Variants in PRRG1 observed in about 807,000 individuals in gnomAD.
PRRG1 encodes the protein transmembrane gamma-carboxyglutamic acid protein 1.
In PRRG1, 5 loss-of-function variants were observed where a neutral mutation model predicts 11.8. The observed-to-expected ratio is 0.42, with a 90% CI of 0.22 to 0.89. PRRG1 has a LOEUF of 0.89. Among genes scored for constraint, PRRG1 ranks in the 40% least tolerant of loss-of-function variants. The probability of loss-of-function intolerance (pLI) is 0.28; values close to 1 mark genes in which losing one functional copy is unlikely to be tolerated. For missense variants in PRRG1, 155 were observed against 166.1 expected, an observed-to-expected ratio of 0.93 and a Z score of 0.37; for synonymous variants, 66 against 60.4, an observed-to-expected ratio of 1.09 and a Z score of -0.43.
intron 1 of PRRG1, among the ~76,000 whole-genome samples, chrX:37,404,466 G>T (rs1282258737): frequency 9.0e-6 from 1 of 111,700 alleles, no homozygotes; most frequent in Non-Finnish European, 1.9e-5. Flanking sequence ...CACTTGGGAA[G>T]GGTGAGCACC....
intron 1 of PRRG1, among the ~76,000 whole-genome samples, chrX:37,374,979 C>G (rs1160495098): frequency 9.0e-6 from 1 of 111,604 alleles, no homozygotes; most frequent in Non-Finnish European, 1.9e-5. Context: ...AGGGATTAAG[C>G]TGTGTTTAGT....
chrX:37,383,754 C>T (rs1366707687), intron 1 of PRRG1, among the ~76,000 whole-genome samples: 1 of 111,087 alleles, frequency 9.0e-6, no homozygotes, highest in Non-Finnish European at 1.9e-5. Flanking sequence ...AATACCTGAA[C>T]TTCTTATATG....
chrX:37,354,909 T>TTTTG (rs1314563788), intron 1 of PRRG1, among the ~76,000 whole-genome samples: 23 of 109,828 alleles, frequency 2.1e-4, no homozygotes, highest in African/African-American at 7.4e-4. Flanking sequence ...GTAATGGCTT[T>TTTTG]TTTGTTTGTT....
intron 1 of PRRG1, among the ~76,000 whole-genome samples, chrX:37,395,107 C>T (rs1931670742): frequency 9.0e-6 from 1 of 111,727 alleles, no homozygotes; most frequent in Non-Finnish European, 1.9e-5. Flanking sequence ...ATTAGAGCTA[C>T]TATTAATAAC....
At chrX:37,381,541 T>G (rs782609250) in intron 1 of PRRG1, among the ~76,000 whole-genome samples, 4 of 111,405 alleles carry the variant, frequency 3.6e-5, no homozygotes, top group Non-Finnish European at 7.6e-5. Context: ...TTTTTTGGCA[T>G]TGGCTACTAG....
chrX:37,444,722 A>G (rs1933044537), intron 3 of PRRG1, among the ~76,000 whole-genome samples: 2 of 111,512 alleles, frequency 1.8e-5, no homozygotes, highest in South Asian at 7.6e-4. Context: ...GTCACCCTGC[A>G]TACAGAGATG....
rs1556397240 is a variant in PRRG1 at position 37,453,383 on chromosome X, A to G, written c.419A>G (p.Asp140Gly). 1 of 1,181,133 alleles carries G rather than the reference A, an allele frequency of 8.5e-7. No homozygotes were observed. The change falls in exon 4 of 4, where the codon GAC (aspartate) becomes GGC (glycine). Residue 140 changes from aspartate (D) to glycine (G), a missense_variant. Transcript: ENST00000378628. ...TPPPPPDEVF[D>G]SSGLSPGFLG... ...CCCCCCCCACCAGATGAAGTGTTTG[A>G]CAGCAGTGGATTGTCTCCAGGCTTT... is the stretch of plus-strand genomic sequence containing the variant.
chrX:37,370,179 A>C (rs1363499055), intron 1 of PRRG1, among the ~76,000 whole-genome samples: 2 of 111,667 alleles, frequency 1.8e-5, no homozygotes, highest in African/African-American at 3.3e-5. Flanking sequence ...CTTTCATTTT[A>C]AAGGCTGAAA....
intron 2 of PRRG1, among the ~76,000 whole-genome samples, chrX:37,420,265 G>A (rs781940385): frequency 9.0e-6 from 1 of 111,082 alleles, no homozygotes; most frequent in East Asian, 2.8e-4. Context: ...ACAAGCTTGG[G>A]ATATCCATAA....
intron 3 of PRRG1, among the ~76,000 whole-genome samples, chrX:37,437,716 A>T (rs148033717): frequency 6.3e-5 from 7 of 111,767 alleles, no homozygotes; most frequent in African/African-American, 2.3e-4. Context: ...CTATTTTTCC[A>T]TCTGAAAGAT....
intron 1 of PRRG1, among the ~76,000 whole-genome samples, chrX:37,379,031 CTTTTTTTTTTTTTTT>C (rs56857980): frequency 3.5e-5 from 1 of 28,774 alleles, no homozygotes; most frequent in Non-Finnish European, 6.1e-5. Flanking sequence ...CATCTTTTTG[CTTTTTTTTTTTTTTT>C]TTTTTTTTTT....
intron 1 of PRRG1, among the ~76,000 whole-genome samples, chrX:37,384,686 T>C (rs192438718): frequency 1.8e-5 from 2 of 111,796 alleles, no homozygotes; most frequent in African/African-American, 6.5e-5. Flanking sequence ...ACAAAAGATA[T>C]TCAAAGGGCC....
intron 2 of PRRG1, among the ~76,000 whole-genome samples, chrX:37,423,235 TTTTTAACAAAAAAGTTAAA>T (rs1932710044): frequency 1.8e-5 from 2 of 110,687 alleles, no homozygotes; most frequent in African/African-American, 6.5e-5. Context: ...AAATTAACTT[TTTTTAACAAAAAAGTTAAA>T]TTTTAACAAA....
chrX:37,378,022 T>C (rs1931034437), intron 1 of PRRG1, among the ~76,000 whole-genome samples: 1 of 111,854 alleles, frequency 8.9e-6, no homozygotes. Context: ...TTTAATTGCA[T>C]GAGTGAACAC....
chrX:37,433,595 C>T (rs150341690), intron 3 of PRRG1, among the ~76,000 whole-genome samples: 2,120 of 110,160 alleles, frequency 0.019, 54 homozygotes, highest in African/African-American at 0.067. Context: ...TTACCTCCCC[C>T]GCCCCATCAG....
intron 3 of PRRG1, among the ~76,000 whole-genome samples, chrX:37,447,679 T>C (rs1569450067): frequency 8.9e-6 from 1 of 112,574 alleles, no homozygotes; most frequent in Non-Finnish European, 1.9e-5. Flanking sequence ...TTCATTAATA[T>C]TCTCTTCAAT....
At chrX:37,351,949 G>A (rs1417706652) in intron 1 of PRRG1, among the ~76,000 whole-genome samples, 2 of 112,235 alleles carry the variant, frequency 1.8e-5, no homozygotes, top group Non-Finnish European at 3.8e-5. Context: ...TTCGGCCTTT[G>A]GCTAATGGGT....
intron 1 of PRRG1, among the ~76,000 whole-genome samples, chrX:37,397,838 A>G (rs1556378652): frequency 9.7e-6 from 1 of 102,981 alleles, no homozygotes; most frequent in Non-Finnish European, 1.9e-5. Flanking sequence ...TGATTTTCTA[A>G]TGTCTGGCTA....
chrX:37,358,650 A>T (rs782540605), intron 1 of PRRG1, among the ~76,000 whole-genome samples: 1 of 111,554 alleles, frequency 9.0e-6, no homozygotes, highest in Non-Finnish European at 1.9e-5. Context: ...GTGTCAGTCC[A>T]CCAACTTTGG....
Sources: gnomAD v4.1 joint callset for allele counts (sites outside exome capture counted in the v4.1 genomes callset) on GRCh38, gnomAD v4.1.1 for gene constraint, MANE v1.5 for transcripts, NCBI Gene and HGNC (gene_info 2026-07-23, HGNC 2026-07-21) for gene names.